The following GALNT7 variants were observed in gnomAD, a reference collection of about 807,000 sequenced individuals.
The protein encoded by GALNT7 is polypeptide N-acetylgalactosaminyltransferase 7.
In GALNT7, 60 loss-of-function variants were observed where a neutral mutation model predicts 82.1. The observed-to-expected ratio is 0.73, with a 90% CI of 0.59 to 0.91. GALNT7 has a LOEUF of 0.91. Among genes scored for constraint, GALNT7 ranks in the 40% least tolerant of loss-of-function variants. The pLI is 0.00. For missense variants in GALNT7, 660 were observed against 804.2 expected (o/e 0.82, Z 2.17); for synonymous variants, 243 against 275.1 (o/e 0.88, Z 1.15).
In GALNT7 at chr4:173,318,047, G is replaced by C. The variant is rs76784741; in HGVS notation, c.1707+315G>C. On this transcript the variant is annotated intron_variant, in intron 10 of 11. Transcript: ENST00000265000. ...AAGCCTAGCTCCCTAACAATTTTTT[G>C]CAAGTATTGCTCACTAATCCTCATC... 9.1e-3 allele frequency among the ~76,000 whole-genome samples: 1,379 copies of C among 152,142 alleles called. 4 individuals are homozygous for C. The highest frequency in any genetic ancestry group is 0.014 in the Non-Finnish European group (977 of 67,980).
In GALNT7 at chr4:173,266,836, G is replaced by A. The variant is rs1359409073; in HGVS notation, c.587+18396G>A. ...AAAAATTTGATCTCATGGAGGTAGAGAGTATAATGACGGCTACCTGAGGCT... is the reference window on the plus strand; with the variant it reads ...AAAAATTTGATCTCATGGAGGTAGAAAGTATAATGACGGCTACCTGAGGCT... On this transcript the variant is annotated intron_variant, in intron 2 of 11. Coordinates refer to ENST00000265000, the MANE Select transcript of GALNT7 (RefSeq NM_017423.3). Among the ~76,000 whole-genome samples, 6 of 150,722 alleles carry A rather than the reference G, an allele frequency of 4.0e-5. No individual in the cohort carries two copies. The South Asian group carries it at 6.3e-4, about 16-fold the overall frequency.
At chr4:173,178,294 T>C (rs1003428549) in intron 1 of GALNT7, among the ~76,000 whole-genome samples, 1 of 152,050 alleles carries the variant, frequency 6.6e-6, no homozygotes, top group African/African-American at 2.4e-5. Context: ...TGAAGGATAT[T>C]AAAAAAACAA....
intron 1 of GALNT7, among the ~76,000 whole-genome samples, chr4:173,206,503 T>G (rs1733102885): frequency 6.6e-6 from 1 of 152,226 alleles, no homozygotes; most frequent in South Asian, 2.1e-4. Flanking sequence ...ATGAAGAAAC[T>G]AAAGTTCAGC....
chr4:173,288,208 G>A (rs924231013), intron 2 of GALNT7, among the ~76,000 whole-genome samples: 1 of 147,662 alleles, frequency 6.8e-6, no homozygotes, highest in East Asian at 2.0e-4. Flanking sequence ...GCGTGAACCC[G>A]GGAGGCGGAG....
At chr4:173,210,970 A>G (rs1045232693) in intron 1 of GALNT7, among the ~76,000 whole-genome samples, 1 of 152,178 alleles carries the variant, frequency 6.6e-6, no homozygotes, top group Non-Finnish European at 1.5e-5. Flanking sequence ...CATTTAAGCT[A>G]GTGTATTCAA....
chr4:173,189,373 T>C (rs1202983772), intron 1 of GALNT7, among the ~76,000 whole-genome samples: 2 of 152,256 alleles, frequency 1.3e-5, no homozygotes, highest in African/African-American at 2.4e-5. Flanking sequence ...AGTGGTTCCT[T>C]GACTCCAGTT....
chr4:173,238,642 A>AT (rs982420409), intron 1 of GALNT7, among the ~76,000 whole-genome samples: 1 of 152,098 alleles, frequency 6.6e-6, no homozygotes, highest in Non-Finnish European at 1.5e-5. Flanking sequence ...TTTATGTGTG[A>AT]TTTTTTTCAA....
chr4:173,257,191 T>C (rs1735072322), intron 2 of GALNT7, among the ~76,000 whole-genome samples: 1 of 152,220 alleles, frequency 6.6e-6, no homozygotes, highest in Non-Finnish European at 1.5e-5. Flanking sequence ...AGTTTAAAAT[T>C]GACTTCAACT....
chr4:173,181,526 T>C (rs977480266), intron 1 of GALNT7, among the ~76,000 whole-genome samples: 8 of 152,234 alleles, frequency 5.3e-5, no homozygotes, highest in African/African-American at 1.7e-4. Context: ...AAATACATTT[T>C]CTGTATGAAA....
chr4:173,221,187 C>A (rs563202609), intron 1 of GALNT7, among the ~76,000 whole-genome samples: 10 of 152,024 alleles, frequency 6.6e-5, no homozygotes. Flanking sequence ...TTTTAATGAT[C>A]GCCATTCTAA....
At chr4:173,283,725 G>A (rs561036001) in intron 2 of GALNT7, among the ~76,000 whole-genome samples, 8 of 151,902 alleles carry the variant, frequency 5.3e-5, no homozygotes, top group South Asian at 2.1e-4. Context: ...GTATGAGGCC[G>A]GTTTTCCAGG....
chr4:173,257,467 G>C (rs1357162206), intron 2 of GALNT7, among the ~76,000 whole-genome samples: 1 of 152,108 alleles, frequency 6.6e-6, no homozygotes, highest in Non-Finnish European at 1.5e-5. Flanking sequence ...CATCATTTTT[G>C]CAAGATACAA....
chr4:173,312,628 C>G (rs749473124), intron 8 of GALNT7, among the ~76,000 whole-genome samples: 32 of 152,238 alleles, frequency 2.1e-4, no homozygotes, highest in Non-Finnish European at 3.8e-4. Flanking sequence ...TGCAAATTAT[C>G]ACTCAAGTGT....
At chr4:173,318,668 G>A (rs1737691816) in intron 11 of GALNT7, 109 bp downstream of exon 11, 2 of 724,840 alleles carry the variant, frequency 2.8e-6, no homozygotes, top group Non-Finnish European at 2.3e-6. Context: ...AAATTCACTT[G>A]CATTTTCCTC....
chr4:173,254,861 T>G (rs1415255171), intron 2 of GALNT7, among the ~76,000 whole-genome samples: 1 of 152,220 alleles, frequency 6.6e-6, no homozygotes, highest in Non-Finnish European at 1.5e-5. Flanking sequence ...ATTTTTACTC[T>G]TGGAAACTAG....
intron 1 of GALNT7, among the ~76,000 whole-genome samples, chr4:173,174,144 C>G (rs1366746102): frequency 6.6e-6 from 1 of 152,138 alleles, no homozygotes; most frequent in Non-Finnish European, 1.5e-5. Flanking sequence ...TTTTCAGTGT[C>G]CCATCCCCCT....
chr4:173,242,794 G>A (rs1221199646), intron 1 of GALNT7, among the ~76,000 whole-genome samples: 5 of 152,184 alleles, frequency 3.3e-5, no homozygotes, highest in African/African-American at 1.2e-4. Flanking sequence ...TGTTCCCTCT[G>A]AATTTCTGGA....
Position 173,278,720 on chromosome 4 carries a change from T to G in GALNT7, c.588-13388T>G, listed in dbSNP as rs556890960. Among the ~76,000 whole-genome samples, 3 of 152,328 alleles carry G rather than the reference T, an allele frequency of 2.0e-5. No homozygotes were observed. The East Asian group carries it at 5.8e-4, about 29-fold the overall frequency. Reference sequence around the variant, plus strand: ...TGCAAAAATACAGTGCCAATATAATTTTAGATTATACTTTTAAAGGAATTA... The same window carrying G: ...TGCAAAAATACAGTGCCAATATAATGTTAGATTATACTTTTAAAGGAATTA... On this transcript the variant is annotated intron_variant, in intron 2 of 11. Coordinates refer to ENST00000265000, the MANE Select transcript of GALNT7 (RefSeq NM_017423.3).
intron 1 of GALNT7, among the ~76,000 whole-genome samples, chr4:173,184,109 C>T (rs1732384061): frequency 6.6e-6 from 1 of 151,552 alleles, no homozygotes; most frequent in Non-Finnish European, 1.5e-5. Flanking sequence ...CTCCTCACTT[C>T]CCAGACTGGG....
Sources: gnomAD v4.1 joint callset for allele counts (sites outside exome capture counted in the v4.1 genomes callset) on GRCh38, gnomAD v4.1.1 for gene constraint, MANE v1.5 for transcripts, NCBI Gene and HGNC (gene_info 2026-07-23, HGNC 2026-07-21) for gene names.